The following CNOT10 variants were observed in gnomAD, a reference collection of about 807,000 sequenced individuals.
CNOT10 encodes the protein CCR4-NOT transcription complex, subunit 10.
Under a neutral mutation model 94.6 loss-of-function variants are expected in CNOT10, and 30 were observed. The observed-to-expected ratio is 0.32, with a 90% CI of 0.24 to 0.43. The LOEUF is 0.43. Ranked by LOEUF, CNOT10 falls within the 20% of genes least tolerant of loss-of-function variation. CNOT10 has a pLI of 1.00. For synonymous variants in CNOT10, 289 were observed against 301.6 expected, an observed-to-expected ratio of 0.96 and a Z score of 0.43; for missense variants, 759 against 877.2, an observed-to-expected ratio of 0.87 and a Z score of 1.70.
chr3:32,741,762 C>G (rs1699476412), intron 13 of CNOT10, among the ~76,000 whole-genome samples: 1 of 130,530 alleles, frequency 7.7e-6, no homozygotes, highest in African/African-American at 2.9e-5. Context: ...GAGCGAGACT[C>G]CGTCTCAAAA....
chr3:32,748,698 C>T (rs931573253), intron 13 of CNOT10, among the ~76,000 whole-genome samples: 17 of 151,270 alleles, frequency 1.1e-4, no homozygotes, highest in South Asian at 6.3e-4. Context: ...TTTGTAGAGA[C>T]GGTGTTTCAC....
chr3:32,749,161 A>G (rs1012456043), intron 13 of CNOT10, among the ~76,000 whole-genome samples: 1 of 148,250 alleles, frequency 6.7e-6, no homozygotes, highest in Non-Finnish European at 1.5e-5. Context: ...TATCAGATAT[A>G]TGACTTGTAG....
At chr3:32,753,487 A>G (rs1304186718) in intron 13 of CNOT10, 42 of 1,562,348 alleles carry the variant, frequency 2.7e-5, no homozygotes, top group South Asian at 1.4e-4. Context: ...ACTTCATCCT[A>G]TAATACCAGA....
intron 13 of CNOT10, among the ~76,000 whole-genome samples, chr3:32,757,599 T>C (rs1227436047): frequency 6.6e-6 from 1 of 152,240 alleles, no homozygotes; most frequent in Non-Finnish European, 1.5e-5. Flanking sequence ...TGAATGTCAT[T>C]GCCATTTTAA....
At chr3:32,715,023 C>T (rs572587739) in intron 5 of CNOT10, among the ~76,000 whole-genome samples, 10 of 152,048 alleles carry the variant, frequency 6.6e-5, no homozygotes, top group African/African-American at 1.2e-4. Context: ...AGCATTATAC[C>T]GAAACATTGT....
chr3:32,688,971 C>T (rs538769983), intron 1 of CNOT10, among the ~76,000 whole-genome samples: 9 of 151,980 alleles, frequency 5.9e-5, no homozygotes, highest in East Asian at 1.9e-4. Flanking sequence ...TTTGGGAGGC[C>T]GAGGTGGCAG....
intron 13 of CNOT10, among the ~76,000 whole-genome samples, chr3:32,752,475 A>T (rs140095936): frequency 6.6e-6 from 1 of 152,112 alleles, no homozygotes; most frequent in Non-Finnish European, 1.5e-5. Context: ...TTTATATTTT[A>T]TTTGCTGCCC....
At chr3:32,688,987 G>A (rs1007144794) in intron 1 of CNOT10, among the ~76,000 whole-genome samples, 10 of 151,708 alleles carry the variant, frequency 6.6e-5, no homozygotes, top group Non-Finnish European at 1.3e-4. Flanking sequence ...GGCAGATCAC[G>A]AGGTCAAGAG....
At chr3:32,736,005 C>T (rs1002427625) in intron 12 of CNOT10, among the ~76,000 whole-genome samples, 2 of 152,040 alleles carry the variant, frequency 1.3e-5, no homozygotes, top group Non-Finnish European at 2.9e-5. Flanking sequence ...TTGGTAAGGA[C>T]AAAACACATA....
chr3:32,753,749 A>G, intron 13 of CNOT10: 1 of 1,600,246 alleles, frequency 6.2e-7, no homozygotes. Context: ...TTATTTCAGC[A>G]GATCTATTCA....
intron 13 of CNOT10, among the ~76,000 whole-genome samples, chr3:32,743,893 T>C (rs1300599270): frequency 1.3e-5 from 2 of 152,106 alleles, no homozygotes; most frequent in African/African-American, 4.8e-5. Context: ...AGGGCTTCCA[T>C]AGGGAATGCC....
In CNOT10 at chr3:32,733,567, G is replaced by T. The variant is rs769084376; in HGVS notation, c.1337+23G>T. 7 of 1,421,034 alleles carry T rather than the reference G, an allele frequency of 4.9e-6. No individual in the cohort carries two copies. The Admixed American group carries it at 8.6e-5, about 17-fold the overall frequency. 88.0% of individuals were successfully genotyped at this position (1,421,034 alleles called of 1,614,324 possible). A position where few individuals can be genotyped will look rare whatever the true frequency, so the allele number is the denominator to read the frequency against. On this transcript the variant is annotated intron_variant, in intron 11 of 18. Coordinates refer to ENST00000328834, the MANE Select transcript of CNOT10 (RefSeq NM_015442.3). ...TAAGTAAGTATTTTGCAAAGAAAAAGTGTATATATATTTAATACTAGTTTA... is the reference window on the plus strand; with the variant it reads ...TAAGTAAGTATTTTGCAAAGAAAAATTGTATATATATTTAATACTAGTTTA...
At chr3:32,695,252 A>C (rs1402021668) in intron 1 of CNOT10, among the ~76,000 whole-genome samples, 2 of 152,176 alleles carry the variant, frequency 1.3e-5, no homozygotes, top group African/African-American at 4.8e-5. Context: ...TAGAAATCAT[A>C]TGTGAGGTAT....
At chr3:32,739,856 CAGA>C (rs1157102806) in intron 13 of CNOT10, among the ~76,000 whole-genome samples, 1 of 151,942 alleles carries the variant, frequency 6.6e-6, no homozygotes, top group Non-Finnish European at 1.5e-5. Flanking sequence ...GCCCAGGAGG[CAGA>C]AGTTGCAGTA....
At chr3:32,748,981 C>A (rs529033430) in intron 13 of CNOT10, among the ~76,000 whole-genome samples, 2 of 152,170 alleles carry the variant, frequency 1.3e-5, no homozygotes, top group African/African-American at 4.8e-5. Context: ...ATAACCACAC[C>A]CAGCTAATTT....
At chr3:32,697,572 A>G (rs1048013065) in intron 1 of CNOT10, among the ~76,000 whole-genome samples, 29 of 152,194 alleles carry the variant, frequency 1.9e-4, no homozygotes, top group African/African-American at 5.1e-4. Flanking sequence ...CCAGGCTTCA[A>G]CGATTATCCC....
intron 18 of CNOT10, among the ~76,000 whole-genome samples, chr3:32,770,176 T>C (rs1700835976): frequency 6.6e-6 from 1 of 151,780 alleles, no homozygotes; most frequent in African/African-American, 2.4e-5. Context: ...CCAACTAATT[T>C]TTTAAATTTT....
intron 4 of CNOT10, among the ~76,000 whole-genome samples, chr3:32,711,204 A>G (rs1035696499): frequency 1.3e-5 from 2 of 152,152 alleles, no homozygotes; most frequent in Non-Finnish European, 1.5e-5. Context: ...TTGGTATTCA[A>G]GGGAGATTGG....
At chr3:32,768,751 T>A (rs901643303) in intron 17 of CNOT10, among the ~76,000 whole-genome samples, 2 of 152,192 alleles carry the variant, frequency 1.3e-5, no homozygotes, top group Non-Finnish European at 2.9e-5. Flanking sequence ...AGGAACTTCT[T>A]AGAAGCACAT....
Sources: allele counts gnomAD v4.1 joint callset (sites outside exome capture counted in the v4.1 genomes callset), GRCh38; gene constraint gnomAD v4.1.1; transcripts MANE v1.5; gene names NCBI Gene and HGNC (gene_info 2026-07-23, HGNC 2026-07-21).